The following E2F2 variants were observed in gnomAD, a reference collection of about 807,000 sequenced individuals.
E2F2 encodes E2F transcription factor 2, also known as transcription factor E2F2.
A neutral mutation model predicts 42.2 loss-of-function variants in E2F2; 22 were observed. That is an observed-to-expected ratio of 0.52 (90% CI 0.37 to 0.74). The LOEUF is 0.74. E2F2 is among the 30% of genes least tolerant of loss of function. The pLI, the probability that E2F2 is intolerant of heterozygous loss-of-function variation, is 0.00. For synonymous variants in E2F2, 248 were observed against 251.6 expected, an observed-to-expected ratio of 0.99 and a Z score of 0.13; for missense variants, 481 against 557.8, an observed-to-expected ratio of 0.86 and a Z score of 1.39.
At chr1:23,516,571 A>C in intron 5 of E2F2, 44 bp from the exon 6 acceptor site, 1 of 1,502,654 alleles carries the variant, frequency 6.7e-7, no homozygotes, top group Non-Finnish European at 9.1e-7. Context: ...GGGCAGCTGG[A>C]CACTTACACT....
At chr1:23,519,665 C>T (rs956322536) in intron 4 of E2F2, among the ~76,000 whole-genome samples, 6 of 152,216 alleles carry the variant, frequency 3.9e-5, no homozygotes, top group African/African-American at 1.4e-4. Flanking sequence ...CGCGGCGGCT[C>T]ATGCCTGTAA....
At chr1:23,522,235 A>G (rs1165882948) in intron 2 of E2F2, among the ~76,000 whole-genome samples, 179 bp from the exon 3 acceptor site, 1 of 152,188 alleles carries the variant, frequency 6.6e-6, no homozygotes, top group Non-Finnish European at 1.5e-5. Flanking sequence ...GATACCTAAG[A>G]GGGAAGGTGA....
chr1:23,524,554 G>A, intron 1 of E2F2, 66 bp from the exon 2 acceptor site: 1 of 1,483,244 alleles, frequency 6.7e-7, no homozygotes, highest in Non-Finnish European at 9.2e-7. Context: ...TTTCCCTGAT[G>A]TGGGGCCAAA....
chr1:23,524,098 CAACAACAAA>C (rs1463889988), intron 2 of E2F2, among the ~76,000 whole-genome samples: 3 of 128,636 alleles, frequency 2.3e-5, no homozygotes, highest in African/African-American at 9.7e-5. Flanking sequence ...ACAACAACAA[CAACAACAAA>C]AAAAAACACA....
intron 1 of E2F2, among the ~76,000 whole-genome samples, chr1:23,526,950 C>T (rs910710806): frequency 6.6e-6 from 1 of 152,306 alleles, no homozygotes; most frequent in East Asian, 1.9e-4. Context: ...CGGCAAGTGT[C>T]CCCCTAAGGA....
chr1:23,519,657 C>T (rs1350327651), intron 4 of E2F2, among the ~76,000 whole-genome samples: 3 of 152,190 alleles, frequency 2.0e-5, no homozygotes, highest in Admixed American at 6.5e-5. Flanking sequence ...CGGCCGAACG[C>T]GGCGGCTCAT....
At position 23,521,977 on chromosome 1, in the gene E2F2, G is replaced by A. The variant is rs752519863; in HGVS notation, c.438C>T (p.Ser146=). The A allele has an allele frequency of 2.5e-6, 4 of 1,614,168 alleles. No homozygotes were observed. The highest frequency in any genetic ancestry group is 2.2e-5 in the East Asian group (1 of 44,892). ...GGTCCAGGACCCCATCCTCTGACTC[G>A]CTCAGGAGGTAAATGAACTTCTTGG... The part of the protein sequence containing the change: ...LLTKKFIYLL[S]ESEDGVLDLN... Residue 146 remains serine (S), a synonymous_variant, in exon 3 of 7, where the codon AGC becomes AGT. Transcript: ENST00000361729.
chr1:23,513,969 C>A (rs1642964850), intron 6 of E2F2, among the ~76,000 whole-genome samples: 1 of 151,872 alleles, frequency 6.6e-6, no homozygotes, highest in Non-Finnish European at 1.5e-5. Context: ...ACTGAAAATA[C>A]AAAAATTAGC....
intron 1 of E2F2, among the ~76,000 whole-genome samples, chr1:23,525,306 A>C (rs1643233204): frequency 1.3e-5 from 2 of 151,910 alleles, no homozygotes; most frequent in Admixed American, 6.6e-5. Context: ...GGCCCCAATT[A>C]GGCCCAGAGC....
At chr1:23,506,200 G>C (rs1010002622), downstream of E2F2, among the ~76,000 whole-genome samples, 4 of 152,154 alleles carry the variant, frequency 2.6e-5, no homozygotes, top group African/African-American at 9.7e-5. Flanking sequence ...GGAAATAGAT[G>C]GGGGAGACAG....
Position 23,520,243 on chromosome 1 carries a change from C to CAAAA in E2F2, c.737+666_737+669dup, listed in dbSNP as rs66460864. ...CCTGGGCAAGAGTGAGACTCTGTCT[C>CAAAA]AAAAAAAAAAAAAAAAAAAAAAAAA... is the stretch of plus-strand genomic sequence containing the variant. On this transcript the variant is annotated intron_variant, in intron 4 of 6. Transcript: ENST00000361729. Among the ~76,000 whole-genome samples the CAAAA allele has an allele frequency of 1.9e-3, 146 of 78,860 alleles. 31 individuals are homozygous for CAAAA. The highest frequency in any genetic ancestry group is 0.01 in the African/African-American group (123 of 12,136). 51.7% of individuals were successfully genotyped at this position (78,860 alleles called of 152,430 possible).
At chr1:23,517,484 T>G (rs975936981) in intron 5 of E2F2, among the ~76,000 whole-genome samples, 1 of 152,190 alleles carries the variant, frequency 6.6e-6, no homozygotes, top group Non-Finnish European at 1.5e-5. Context: ...GACAGCGTCT[T>G]TTTCCCACTA....
intron 6 of E2F2, among the ~76,000 whole-genome samples, chr1:23,514,627 A>C (rs1025888984): frequency 4.6e-5 from 7 of 151,784 alleles, no homozygotes; most frequent in African/African-American, 1.7e-4. Flanking sequence ...CAAGGGTTCA[A>C]GACCAGGCTG....
At position 23,530,938 on chromosome 1, in the gene E2F2, A is replaced by C. The variant is rs1305582097; in HGVS notation, c.-145T>G. On this transcript the variant is annotated 5_prime_UTR_variant, in exon 1 of 7. Coordinates refer to ENST00000361729, the MANE Select transcript of E2F2 (RefSeq NM_004091.4). The surrounding 1 kb of genome is among the most constrained non-coding windows in gnomAD (Gnocchi z 4.4). ...ATGGACGCCTGCGGGGCAAGGCCGG[A>C]CCCTCCCCTCCTGGCCCGCGGCCGA... The C allele has an allele frequency of 9.4e-7, 1 of 1,064,678 alleles. No individual in the cohort carries two copies. The highest frequency in any genetic ancestry group is 1.7e-5 in the African/African-American group (1 of 59,632). 66.0% of individuals were successfully genotyped at this position (1,064,678 alleles called of 1,614,324 possible). A position where few individuals can be genotyped will look rare whatever the true frequency, so the allele number is the denominator to read the frequency against.
chr1:23,512,996 A>G (rs1487407734), intron 6 of E2F2, among the ~76,000 whole-genome samples: 1 of 152,004 alleles, frequency 6.6e-6, no homozygotes, highest in African/African-American at 2.4e-5. Flanking sequence ...TATTTGTAGT[A>G]GAGACGGGGT....
intron 5 of E2F2, among the ~76,000 whole-genome samples, chr1:23,516,914 C>A (rs1643035482): frequency 6.6e-6 from 1 of 151,918 alleles, no homozygotes; most frequent in African/African-American, 2.4e-5. Flanking sequence ...TGGATCCAAC[C>A]AGCACTAGGC....
chr1:23,509,701 A>T lies in E2F2; in HGVS notation c.*179T>A. On this transcript the variant is annotated 3_prime_UTR_variant, in exon 7 of 7. Coordinates refer to ENST00000361729, the MANE Select transcript of E2F2 (RefSeq NM_004091.4). ...GAGGACCACCCCTTATCCACTCCTC[A>T]CCCGTACCATTCATATCTCCCCACA... The T allele has an allele frequency of 7.9e-7, 1 of 1,264,304 alleles. No individual in the cohort carries two copies. Among genetic ancestry groups the T allele is most frequent in the Non-Finnish European group, 1.0e-6 (1 of 967,406 alleles). The allele number at this position is 1,264,304 out of a possible 1,614,324, so 78.3% of individuals were successfully genotyped here. A position where few individuals can be genotyped will look rare whatever the true frequency, so the allele number is the denominator to read the frequency against.
chr1:23,530,822 G>A lies in E2F2; in HGVS notation c.-29C>T, dbSNP rs765021310. ...GAGTAAGGCGCCCCCTACCCAAAAG[G>A]GCTTGGCGCGCCCGCGGACACCTGC... On this transcript the variant is annotated 5_prime_UTR_variant, in exon 1 of 7. Transcript: ENST00000361729. This position sits in a 1 kb window ranked among gnomAD's most constrained non-coding sequence, Gnocchi z 4.4. 1 of 1,452,548 alleles carries A rather than the reference G, an allele frequency of 6.9e-7. No homozygotes were observed. The highest frequency in any genetic ancestry group is 1.4e-5 in the South Asian group (1 of 71,418). 90.0% of individuals were successfully genotyped at this position (1,452,548 alleles called of 1,614,324 possible).
chr1:23,511,111 C>T (rs189977731), intron 6 of E2F2, among the ~76,000 whole-genome samples: 2 of 152,250 alleles, frequency 1.3e-5, no homozygotes, highest in East Asian at 3.9e-4. Flanking sequence ...TGGGGTCTCT[C>T]CCCACCATGT....
Sources: gnomAD v4.1 joint callset for allele counts (sites outside exome capture counted in the v4.1 genomes callset) on GRCh38, gnomAD v4.1.1 for gene constraint, Gnocchi (gnomAD v3.1) non-coding constraint, MANE v1.5 for transcripts, NCBI Gene and HGNC (gene_info 2026-07-23, HGNC 2026-07-21) for gene names.